Variants in CTNNA3 observed in about 807,000 individuals in gnomAD.
CTNNA3 encodes catenin alpha 3.
CTNNA3 carries 76 observed loss-of-function variants against 95.7 expected under a neutral mutation model. The ratio of observed to expected loss-of-function variants is 0.79; its 90% CI spans 0.66 to 0.96. The LOEUF (loss-of-function observed/expected upper bound fraction) is 0.96, where lower values mean the gene tolerates loss of function less well. Ranked by LOEUF, CTNNA3 falls within the 40% of genes least tolerant of loss-of-function variation. The pLI, the probability that CTNNA3 is intolerant of heterozygous loss-of-function variation, is 0.00. For synonymous variants in CTNNA3, 431 were observed against 374.4 expected, an observed-to-expected ratio of 1.15 and a Z score of -1.74; for missense variants, 1,191 against 1,089.8, an observed-to-expected ratio of 1.09 and a Z score of -1.31.
At chr10:67,089,714 C>CGTGTGTGT (rs1857513211) in intron 7 of CTNNA3, among the ~76,000 whole-genome samples, 1 of 90,860 alleles carries the variant, frequency 1.1e-5, no homozygotes, top group Non-Finnish European at 2.4e-5. Flanking sequence ...TGTGTATATA[C>CGTGTGTGT]ATATGTGTGT....
chr10:67,562,325 C>T (rs987330926), intron 3 of CTNNA3, among the ~76,000 whole-genome samples: 4 of 152,156 alleles, frequency 2.6e-5, no homozygotes, highest in Admixed American at 2.6e-4. Flanking sequence ...GGATGCAAGG[C>T]TGGTTCAACA....
chr10:66,714,291 C>A (rs1330780565), intron 9 of CTNNA3, among the ~76,000 whole-genome samples: 3 of 152,082 alleles, frequency 2.0e-5, no homozygotes, highest in Admixed American at 1.3e-4. Context: ...TAAATTGCAC[C>A]TTTACGCCAA....
At chr10:66,685,217 G>T (rs10997299) in intron 9 of CTNNA3, among the ~76,000 whole-genome samples, 2 of 120,226 alleles carry the variant, frequency 1.7e-5, no homozygotes, top group Non-Finnish European at 3.4e-5. Context: ...GTATATATAT[G>T]TGTATATATA....
At chr10:67,451,176 C>A (rs945567264) in intron 5 of CTNNA3, among the ~76,000 whole-genome samples, 5 of 152,068 alleles carry the variant, frequency 3.3e-5, no homozygotes, top group African/African-American at 1.2e-4. Flanking sequence ...TTCCACCCTT[C>A]CATGCTTCTG....
chr10:66,739,251 A>C (rs1184474840), intron 9 of CTNNA3, among the ~76,000 whole-genome samples: 1 of 152,172 alleles, frequency 6.6e-6, no homozygotes, highest in Non-Finnish European at 1.5e-5. Flanking sequence ...ACTTGTAAAA[A>C]CAAAACAAAA....
chr10:66,436,543 G>A (rs1462647889), intron 11 of CTNNA3, among the ~76,000 whole-genome samples: 1 of 102,672 alleles, frequency 9.7e-6, no homozygotes, highest in African/African-American at 3.9e-5. Context: ...TATTTGCTTG[G>A]TAAATCTTTC....
intron 17 of CTNNA3, among the ~76,000 whole-genome samples, chr10:65,935,665 T>C (rs556462607): frequency 1.1e-4 from 16 of 152,302 alleles, no homozygotes; most frequent in African/African-American, 3.6e-4. Context: ...AGCGAAATGG[T>C]TGTGTATCTT....
intron 9 of CTNNA3, among the ~76,000 whole-genome samples, chr10:66,694,381 C>G (rs1010308417): frequency 1.3e-5 from 2 of 152,028 alleles, no homozygotes; most frequent in African/African-American, 4.8e-5. Flanking sequence ...ATAAATTCCT[C>G]GACACATACA....
At chr10:67,725,177 AC>A (rs1841201969) in intron 1 of CTNNA3, among the ~76,000 whole-genome samples, 1 of 145,924 alleles carries the variant, frequency 6.9e-6, no homozygotes, top group Admixed American at 6.7e-5. Flanking sequence ...TTATTAATTT[AC>A]CTTTTTTTTT....
At chr10:67,611,083 G>A (rs1428979576) in intron 2 of CTNNA3, among the ~76,000 whole-genome samples, 1 of 152,152 alleles carries the variant, frequency 6.6e-6, no homozygotes, top group East Asian at 1.9e-4. Flanking sequence ...TATTAATTCT[G>A]CAAGTTTAAC....
intron 7 of CTNNA3, among the ~76,000 whole-genome samples, chr10:66,891,088 A>G (rs898891902): frequency 2.6e-5 from 4 of 152,192 alleles, no homozygotes; most frequent in African/African-American, 9.7e-5. Context: ...TCTCCAATCC[A>G]AATCTTAGGA....
chr10:67,683,202 A>C (rs562609600), intron 1 of CTNNA3, among the ~76,000 whole-genome samples: 13 of 152,342 alleles, frequency 8.5e-5, no homozygotes, highest in Middle Eastern at 3.4e-3. Flanking sequence ...ATTCCCATGA[A>C]AACATGACCC....
Position 66,788,712 on chromosome 10 carries a change from C to T in CTNNA3, c.1048-13188G>A, listed in dbSNP as rs1447225541. 8.6e-5 allele frequency among the ~76,000 whole-genome samples: 13 copies of T among 151,788 alleles called. 1 individual carries two copies. The highest frequency in any genetic ancestry group is 8.5e-4 in the Admixed American group (13 of 15,238). ...TAGATTTAACATTATGCAGCAAGAA[C>T]ATTACAGGTTAAAAAAAAAAGAACA... is the stretch of plus-strand genomic sequence containing the variant. On this transcript the variant is annotated intron_variant, in intron 7 of 17. Transcript: ENST00000433211.
At chr10:67,140,662 C>G (rs1860515610) in intron 7 of CTNNA3, among the ~76,000 whole-genome samples, 1 of 152,040 alleles carries the variant, frequency 6.6e-6, no homozygotes, top group Non-Finnish European at 1.5e-5. Context: ...CAATATGGCC[C>G]AATAACAAAG....
intron 7 of CTNNA3, among the ~76,000 whole-genome samples, chr10:67,125,002 T>A (rs1347777626): frequency 6.6e-6 from 1 of 152,070 alleles, no homozygotes. Flanking sequence ...GCCAGGTGAG[T>A]CTGTAATCAA....
intron 9 of CTNNA3, among the ~76,000 whole-genome samples, chr10:66,622,102 G>A (rs1844771254): frequency 6.6e-6 from 1 of 152,120 alleles, no homozygotes; most frequent in South Asian, 2.1e-4. Flanking sequence ...AAGTTTATCT[G>A]TGGATTGAAT....
chr10:66,687,016 T>A (rs1043341371), intron 9 of CTNNA3, among the ~76,000 whole-genome samples: 9 of 152,142 alleles, frequency 5.9e-5, no homozygotes, highest in Non-Finnish European at 1.2e-4. Context: ...AAGAACTTGA[T>A]GATATCTTTG....
intron 17 of CTNNA3, among the ~76,000 whole-genome samples, chr10:65,941,614 A>T (rs567253837): frequency 2.0e-5 from 3 of 152,316 alleles, no homozygotes; most frequent in African/African-American, 7.2e-5. Context: ...GGAGGCCAGG[A>T]TTTGTGCAAG....
chr10:66,595,191 C>A (rs1008860507), intron 10 of CTNNA3, among the ~76,000 whole-genome samples: 1 of 152,020 alleles, frequency 6.6e-6, no homozygotes, highest in Non-Finnish European at 1.5e-5. Context: ...AGAATAGACG[C>A]ATTAAAAAGC....
Sources: allele counts gnomAD v4.1 joint callset (sites outside exome capture counted in the v4.1 genomes callset), GRCh38; gene constraint gnomAD v4.1.1; transcripts MANE v1.5; gene names NCBI Gene and HGNC (gene_info 2026-07-23, HGNC 2026-07-21).